The following ABCB7 variants were observed in gnomAD, a reference collection of about 807,000 sequenced individuals.
ABCB7 encodes the protein iron-sulfur clusters transporter ABCB7, mitochondrial.
ABCB7 carries 7 observed loss-of-function variants against 54.4 expected under a neutral mutation model. The observed-to-expected ratio is 0.13, with a 90% CI of 0.07 to 0.24. The LOEUF (loss-of-function observed/expected upper bound fraction) is 0.24. Among genes scored for constraint, ABCB7 ranks in the 10% least tolerant of loss-of-function variants. ABCB7 has a pLI of 1.00. For synonymous variants in ABCB7, 218 were observed against 207.1 expected (o/e 1.05, Z -0.45); for missense variants, 356 against 570.4 (o/e 0.62, Z 3.83).
chrX:75,066,566 G>A (rs772531579), intron 12 of ABCB7, among the ~76,000 whole-genome samples: 3 of 110,757 alleles, frequency 2.7e-5, no homozygotes, highest in Admixed American at 9.7e-5. Context: ...AAAAACATGG[G>A]TAACTGTGAG....
rs752768088 is a variant in ABCB7 at position 75,051,878 on chromosome X, C to T, written c.*1492G>A. ...CATTTACTTGTTTCTTTGTAAACTT[C>T]GAATAGAAAAAGCAGCACATTTAAG... On this transcript the variant is annotated 3_prime_UTR_variant, in exon 16 of 16. Transcript: ENST00000373394. 2.7e-5 allele frequency: 3 copies of T among 111,607 alleles called. No homozygotes were observed. Among genetic ancestry groups the T allele is most frequent in the East Asian group, 2.8e-4 (1 of 3,568 alleles). The allele number at this position is 111,607 out of a possible 1,213,427, so 9.2% of individuals were successfully genotyped here.
chrX:75,129,472 G>A (rs369513494), intron 1 of ABCB7, among the ~76,000 whole-genome samples: 96 of 110,279 alleles, frequency 8.7e-4, no homozygotes, highest in African/African-American at 3.0e-3. Flanking sequence ...GGAAGAGATA[G>A]CATTAGCAGA....
intron 3 of ABCB7, among the ~76,000 whole-genome samples, chrX:75,099,967 G>A (rs1427167193): frequency 9.1e-6 from 1 of 109,876 alleles, no homozygotes; most frequent in African/African-American, 3.3e-5. Flanking sequence ...CTAATACACT[G>A]TTGATGGAGA....
At chrX:75,117,078 A>G (rs1316385210) in intron 1 of ABCB7, among the ~76,000 whole-genome samples, 2 of 111,374 alleles carry the variant, frequency 1.8e-5, no homozygotes, top group Non-Finnish European at 3.8e-5. Context: ...CAGAATAGCC[A>G]TTCTTTTATT....
At chrX:75,145,973 T>TA (rs925752232) in intron 1 of ABCB7, among the ~76,000 whole-genome samples, 1 of 110,197 alleles carries the variant, frequency 9.1e-6, no homozygotes, top group African/African-American at 3.3e-5. Flanking sequence ...AATAAAAAGA[T>TA]AAAAAAATAA....
At chrX:75,096,883 C>T (rs1248118778) in intron 4 of ABCB7, among the ~76,000 whole-genome samples, 1 of 110,434 alleles carries the variant, frequency 9.1e-6, no homozygotes, top group Non-Finnish European at 1.9e-5. Flanking sequence ...CTCCATGTTG[C>T]AATTTCTACT....
chrX:75,056,252 T>C (rs2081238898), intron 15 of ABCB7, among the ~76,000 whole-genome samples: 2 of 111,873 alleles, frequency 1.8e-5, no homozygotes, highest in South Asian at 7.6e-4. Context: ...GACCCTTACC[T>C]GAATCAATTA....
intron 1 of ABCB7, among the ~76,000 whole-genome samples, chrX:75,121,176 C>A (rs918839274): frequency 9.2e-6 from 1 of 108,948 alleles, no homozygotes; most frequent in Non-Finnish European, 1.9e-5. Context: ...GTAATCCCAG[C>A]TACTCTGGTG....
At chrX:75,083,487 G>C (rs1041955806) in intron 4 of ABCB7, among the ~76,000 whole-genome samples, 1 of 111,398 alleles carries the variant, frequency 9.0e-6, no homozygotes, top group African/African-American at 3.3e-5. Context: ...GACCTAGTAA[G>C]GATGTCAATT....
At chrX:75,077,529 C>T (rs1323750598) in intron 4 of ABCB7, among the ~76,000 whole-genome samples, 1 of 112,094 alleles carries the variant, frequency 8.9e-6, no homozygotes, top group African/African-American at 3.2e-5. Flanking sequence ...TAAATTGATG[C>T]ACATTAATAA....
intron 1 of ABCB7, among the ~76,000 whole-genome samples, chrX:75,144,616 CTTTT>C (rs67676485): frequency 3.0e-5 from 3 of 100,063 alleles, no homozygotes; most frequent in Admixed American, 1.1e-4. Context: ...AGCATAGCTG[CTTTT>C]TTTTTTTTTG....
chrX:75,081,714 T>C (rs937484617), intron 4 of ABCB7, among the ~76,000 whole-genome samples: 4 of 111,876 alleles, frequency 3.6e-5, no homozygotes, highest in Admixed American at 9.5e-5. Flanking sequence ...CAGCGCTTGT[T>C]AATGTTCCAT....
intron 1 of ABCB7, among the ~76,000 whole-genome samples, chrX:75,153,130 T>TGCACTGGCGC (rs1401768807): frequency 9.0e-6 from 1 of 110,764 alleles, no homozygotes. Context: ...CAGGCTGGAG[T>TGCACTGGCGC]GCACTGGCGC....
intron 1 of ABCB7, among the ~76,000 whole-genome samples, chrX:75,153,774 A>AT (rs1555960369): frequency 1.3e-4 from 11 of 85,811 alleles, no homozygotes; most frequent in South Asian, 1.2e-3. Flanking sequence ...ATATATATAT[A>AT]AAATATATAT....
intron 4 of ABCB7, among the ~76,000 whole-genome samples, chrX:75,083,325 T>C (rs1404252804): frequency 2.7e-5 from 3 of 111,514 alleles, no homozygotes; most frequent in African/African-American, 9.8e-5. Flanking sequence ...CCTAATGTCC[T>C]CATGGAGTCA....
rs752661795 is a variant in ABCB7, at chrX:75,057,764, T to G, written c.2043+2459A>C. Among the ~76,000 whole-genome samples, 6 of 95,005 alleles carry G rather than the reference T, an allele frequency of 6.3e-5. No homozygotes were observed. The East Asian group carries it at 0.011, about 173-fold the overall frequency. The allele number at this position is 95,005 out of a possible 115,157, so 82.5% of individuals were successfully genotyped here. On this transcript the variant is annotated intron_variant, in intron 15 of 15. Transcript: ENST00000373394. ...GTTGGGGTTCTCAAATACAAATATC[T>G]TTTTTTTTTTTCCTGGGGCTGCTTT...
In ABCB7 at chrX:75,075,565, C is replaced by T; in HGVS notation, c.652G>A (p.Ala218Thr). ...EVRNAVFGKV[A>T]QNSIRRIAKN... The stretch of plus-strand genomic sequence containing the variant: ...GCTATTCTTCGGATTGAATTCTGGG[C>T]TACCTTGCCAAATACTGCATTTCGA... The change falls in exon 6 of 16, where the codon GCC becomes ACC. Residue 218 changes from alanine to threonine, a missense_variant. Physicochemically the swap from Ala to Thr is moderately conservative, Grantham distance 58 (BLOSUM62 0). Transcript: ENST00000373394. 8.3e-7 allele frequency: 1 copy of T among 1,210,435 alleles called. No homozygotes were observed.
chrX:75,054,857 A>G, intron 15 of ABCB7, among the ~76,000 whole-genome samples: 1 of 110,789 alleles, frequency 9.0e-6, no homozygotes, highest in Middle Eastern at 4.6e-3. Context: ...CTTTCAATCT[A>G]GAAACTCTTG....
At position 75,076,551 on chromosome X, in the gene ABCB7, G is replaced by T. The variant is rs375914198; in HGVS notation, c.557C>A (p.Ala186Glu). The T allele has an allele frequency of 1.7e-6, 2 of 1,209,471 alleles. No homozygotes were observed. The highest frequency in any genetic ancestry group is 3.5e-5 in the African/African-American group (2 of 57,243). The change falls in exon 5 of 16, where the codon GCA becomes GAA. Residue 186 changes from alanine to glutamate, a missense_variant. Coordinates refer to ENST00000373394, the MANE Select transcript of ABCB7 (RefSeq NM_001271696.3). ...LNLSDAPNTV[A>E]TMATAVLIGY... ...AATCAGAACTGCTGTTGCCATGGTT[G>T]CAACTGTATTTGGTGCATCACTCAG...
Sources: gnomAD v4.1 joint callset for allele counts (sites outside exome capture counted in the v4.1 genomes callset) on GRCh38, gnomAD v4.1.1 for gene constraint, MANE v1.5 for transcripts, NCBI Gene and HGNC (gene_info 2026-07-23, HGNC 2026-07-21) for gene names.